The following SIRT4 variants were observed in gnomAD, a reference collection of about 807,000 sequenced individuals.
SIRT4 encodes the protein sirtuin 4.
SIRT4 carries 23 observed loss-of-function variants against 26.1 expected under a neutral mutation model. That is an observed-to-expected ratio of 0.88 (90% CI 0.63 to 1.25). The LOEUF (loss-of-function observed/expected upper bound fraction) is 1.25, where lower values mean the gene tolerates loss of function less well. SIRT4 is among the 50% of genes most tolerant of loss of function. The pLI, the probability that SIRT4 is intolerant of heterozygous loss-of-function variation, is 0.00. For synonymous variants in SIRT4, 155 were observed against 158.4 expected (o/e 0.98, Z 0.16); for missense variants, 361 against 405.4 (o/e 0.89, Z 0.94).
chr12:120,292,102 C>T, the SIRT4 span, among the ~76,000 whole-genome samples: 1 of 152,178 alleles, frequency 6.6e-6, no homozygotes, highest in Non-Finnish European at 1.5e-5. Context: ...TAAGAATATT[C>T]GCTTGGGACG....
At chr12:120,297,802 T>C (rs1194771348), upstream of SIRT4, among the ~76,000 whole-genome samples, 1 of 152,158 alleles carries the variant, frequency 6.6e-6, no homozygotes, top group Non-Finnish European at 1.5e-5. Context: ...AAGGAGAATG[T>C]CACTGTTCTC....
chr12:120,293,236 C>T, the SIRT4 span: 9 of 152,306 alleles, frequency 5.9e-5, no homozygotes, highest in East Asian at 1.9e-4. Context: ...CTGCGCAAAG[C>T]TAATTTGTTA....
At chr12:120,301,300 G>GCA (rs1235056183), upstream of SIRT4, among the ~76,000 whole-genome samples, 5 of 152,116 alleles carry the variant, frequency 3.3e-5, no homozygotes, top group Non-Finnish European at 7.3e-5. Context: ...AGCCGAAATG[G>GCA]CACCATTGCA....
intron 2 of SIRT4, 28 bp downstream of exon 2, chr12:120,304,086 C>G: frequency 1.9e-6 from 3 of 1,595,814 alleles, no homozygotes; most frequent in Middle Eastern, 1.7e-4. Flanking sequence ...GGTTTGAACG[C>G]AAACCCGTGT....
At chr12:120,297,024 A>T in the SIRT4 span, among the ~76,000 whole-genome samples, 6 of 151,172 alleles carry the variant, frequency 4.0e-5, no homozygotes, top group African/African-American at 1.5e-4. Context: ...GGAGTTCAAG[A>T]CCAGCCTGGC....
chr12:120,312,920 G>A lies in SIRT4; in HGVS notation c.829G>A (p.Glu277Lys), dbSNP rs1565873322. 6.2e-7 allele frequency: 1 copy of A among 1,614,160 alleles called. No homozygotes were observed. Among genetic ancestry groups the A allele is most frequent in the Non-Finnish European group, 8.5e-7 (1 of 1,180,030 alleles). The change falls in exon 4 of 4, where the codon GAG (glutamate) becomes AAG (lysine). Residue 277 changes from glutamate to lysine, a missense_variant. Glu to Lys is a moderately conservative substitution (Grantham distance 56). Coordinates refer to ENST00000202967, the MANE Select transcript of SIRT4 (RefSeq NM_012240.3). ...TTACAGGTTTATCCTCACTGCCTGG[G>A]AGAAGAAGCTCCCGATTGCAATACT... ...SGYRFILTAW[E>K]KKLPIAILNI...
intron 2 of SIRT4, among the ~76,000 whole-genome samples, chr12:120,308,033 T>C (rs192507262): frequency 0.057 from 8,692 of 152,142 alleles, 380 homozygotes; most frequent in Admixed American, 0.15. Flanking sequence ...AATTTTTTTT[T>C]TTAAATAGAG....
chr12:120,302,725 T>C (rs1365199720), intron 1 of SIRT4, among the ~76,000 whole-genome samples: 4 of 150,562 alleles, frequency 2.7e-5, no homozygotes, highest in Non-Finnish European at 4.4e-5. Flanking sequence ...TTTTTCTTTT[T>C]TTTTTTTTTT....
At chr12:120,303,012 C>G (rs1872602179) in intron 1 of SIRT4, among the ~76,000 whole-genome samples, 1 of 151,664 alleles carries the variant, frequency 6.6e-6, no homozygotes, top group Admixed American at 6.6e-5. Flanking sequence ...CGTGAGCCAC[C>G]GCACCCGGCC....
chr12:120,302,965 TGCCTGCGTCG>T (rs1872600882), intron 1 of SIRT4, among the ~76,000 whole-genome samples: 1 of 151,408 alleles, frequency 6.6e-6, no homozygotes, highest in African/African-American at 2.4e-5. Context: ...TCAAGTGATC[TGCCTGCGTCG>T]GCCTCCCAAA....
At chr12:120,294,870 C>G in the SIRT4 span, among the ~76,000 whole-genome samples, 5 of 150,698 alleles carry the variant, frequency 3.3e-5, no homozygotes, top group Admixed American at 3.3e-4. Context: ...CTCTGTTGCC[C>G]AAGCTGGAGT....
At chr12:120,310,896 C>T (rs1402377420) in intron 2 of SIRT4, among the ~76,000 whole-genome samples, 47 of 151,158 alleles carry the variant, frequency 3.1e-4, no homozygotes, top group African/African-American at 9.9e-4. Flanking sequence ...CCACCACGGC[C>T]GGCTAATTTT....
intron 2 of SIRT4, among the ~76,000 whole-genome samples, chr12:120,310,610 C>T (rs1872921681): frequency 6.6e-6 from 1 of 151,916 alleles, no homozygotes; most frequent in Non-Finnish European, 1.5e-5. Flanking sequence ...GTGGCTCACA[C>T]CTGTAGTCCC....
At chr12:120,309,770 C>T (rs1328695516) in intron 2 of SIRT4, among the ~76,000 whole-genome samples, 2 of 140,230 alleles carry the variant, frequency 1.4e-5, no homozygotes, top group East Asian at 4.3e-4. Context: ...GGCTGGAGTA[C>T]AATGGCATGA....
intron 2 of SIRT4, among the ~76,000 whole-genome samples, chr12:120,304,821 ATATATATATATATATTT>A (rs1872678974): frequency 1.4e-4 from 1 of 7,048 alleles, no homozygotes; most frequent in African/African-American, 7.3e-4. Context: ...ATATATATAT[ATATATATATATATATTT>A]TTTTTTTTTT....
At chr12:120,312,357 A>G (rs772732059) in intron 2 of SIRT4, 99 bp from the exon 3 acceptor site, 159 of 1,099,606 alleles carry the variant, frequency 1.4e-4, no homozygotes, top group Non-Finnish European at 2.0e-4. Flanking sequence ...GAAAGAAAGC[A>G]GCGATGGAAG....
At chr12:120,293,108 A>C in the SIRT4 span, 2 of 152,102 alleles carry the variant, frequency 1.3e-5, no homozygotes. Flanking sequence ...CTCCGTAGAG[A>C]CTGTCAAAAA....
At chr12:120,296,504 G>T in the SIRT4 span, among the ~76,000 whole-genome samples, 125 of 124,300 alleles carry the variant, frequency 1.0e-3, no homozygotes, top group African/African-American at 3.5e-3. Context: ...CTTGTTTTGT[G>T]TTTTTTTTTT....
the SIRT4 span, among the ~76,000 whole-genome samples, chr12:120,296,274 G>A: frequency 6.6e-6 from 1 of 151,082 alleles, no homozygotes; most frequent in East Asian, 2.0e-4. Context: ...CTGGAGTGCA[G>A]TGGCGCAATC....
Sources: allele counts gnomAD v4.1 joint callset (sites outside exome capture counted in the v4.1 genomes callset), GRCh38; gene constraint gnomAD v4.1.1; transcripts MANE v1.5; gene names NCBI Gene and HGNC (gene_info 2026-07-23, HGNC 2026-07-21).